Variants in PCDHA9 observed in about 807,000 individuals in gnomAD.
PCDHA9 encodes the protein protocadherin alpha 9.
A neutral mutation model predicts 62.0 loss-of-function variants in PCDHA9; 62 were observed. The ratio of observed to expected loss-of-function variants is 1.00; its 90% confidence interval spans 0.81 to 1.23. The LOEUF (loss-of-function observed/expected upper bound fraction) is 1.23, where lower values mean the gene tolerates loss of function less well. Ranked by LOEUF, PCDHA9 falls within the 50% of genes most tolerant of loss-of-function variation. PCDHA9 has a pLI of 0.00. For synonymous variants in PCDHA9, 557 were observed against 567.6 expected, an observed-to-expected ratio of 0.98 and a Z score of 0.27; for missense variants, 1,205 against 1,249.8, an observed-to-expected ratio of 0.96 and a Z score of 0.54.
chr5:140,999,406 G>C (rs1459713118), intron 3 of PCDHA9, among the ~76,000 whole-genome samples: 1 of 152,166 alleles, frequency 6.6e-6, no homozygotes, highest in Non-Finnish European at 1.5e-5. Context: ...GCATATGAAA[G>C]AATGGGAGCT....
chr5:140,851,444 A>G (rs1182271875), intron 1 of PCDHA9: 1 of 917,790 alleles, frequency 1.1e-6, no homozygotes, highest in Non-Finnish European at 1.3e-6. Context: ...CAGTTGCTCC[A>G]CTTTAGGAAT....
intron 1 of PCDHA9, among the ~76,000 whole-genome samples, chr5:140,914,496 C>A (rs782459538): frequency 1.2e-4 from 19 of 152,136 alleles, no homozygotes; most frequent in Non-Finnish European, 4.4e-5. Context: ...TTGTGGGCAA[C>A]AGATCATTGG....
intron 1 of PCDHA9, among the ~76,000 whole-genome samples, chr5:140,969,915 GC>G (rs1181399848): frequency 2.0e-5 from 3 of 152,192 alleles, no homozygotes; most frequent in African/African-American, 7.2e-5. Flanking sequence ...AAGTGATAAA[GC>G]TGTAGTATTT....
At chr5:140,881,940 G>A (rs1273995753) in intron 1 of PCDHA9, 1 of 295,968 alleles carries the variant, frequency 3.4e-6, no homozygotes, top group Non-Finnish European at 6.2e-6. Flanking sequence ...TGCTGTTTCT[G>A]GGAAGGTAAA....
intron 1 of PCDHA9, chr5:140,870,222 G>A: frequency 6.2e-7 from 1 of 1,614,180 alleles, no homozygotes; most frequent in African/African-American, 1.3e-5. Flanking sequence ...TGATCAGCGT[G>A]TCTGACCGTG....
intron 1 of PCDHA9, chr5:140,930,511 C>G (rs2086907383): frequency 6.6e-6 from 1 of 152,616 alleles, no homozygotes; most frequent in African/African-American, 2.4e-5. Context: ...GCATGAGCCA[C>G]TGCAGCTGGC....
Position 140,849,498 on chromosome 5 carries a change from A to G in PCDHA9, c.1003A>G (p.Thr335Ala). The change falls in exon 1 of 4, where the codon ACA (threonine) becomes GCA (alanine). Residue 335 changes from threonine (T) to alanine (A), a missense_variant. Thr to Ala is a moderately conservative substitution (Grantham distance 58, BLOSUM62 0). Around this residue, in one of 3 missense-constraint regions of PCDHA9, gnomAD observed 110 missense variants for 227.2 expected, o/e 0.48. Transcript: ENST00000532602. ...KGFPPLAGHCTLLVEVVDVND... is the reference protein window; with the variant it reads ...KGFPPLAGHCALLVEVVDVND... ...CTTCCCACCCCTGGCTGGTCATTGT[A>G]CACTTCTTGTGGAAGTTGTGGATGT... 1 of 1,593,626 alleles carries G rather than the reference A, an allele frequency of 6.3e-7. No homozygotes were observed.
chr5:140,850,425 C>T lies in PCDHA9; in HGVS notation c.1930C>T (p.Arg644Cys), dbSNP rs2150483747. The change falls in exon 1 of 4, where the codon CGC (arginine) becomes TGC (cysteine). Residue 644 changes from arginine (R) to cysteine (C), a missense_variant. Physicochemically the swap from Arg to Cys is radical, Grantham distance 180. Around this residue, in one of 3 missense-constraint regions of PCDHA9, gnomAD observed 887 missense variants for 809.5 expected, o/e 1.10. Coordinates refer to ENST00000532602, the MANE Select transcript of PCDHA9 (RefSeq NM_031857.2). ...TRALDETDAP[R>C]QRLLVLVKDH... is the part of the protein sequence containing the mutation. ...TGCCCTGGACGAAACGGACGCACCG[C>T]GCCAGCGCCTACTGGTGCTGGTGAA... 2 of 1,597,932 alleles carry T rather than the reference C, an allele frequency of 1.3e-6. No individual in the cohort carries two copies. Among genetic ancestry groups the T allele is most frequent in the Non-Finnish European group, 8.6e-7 (1 of 1,167,740 alleles).
At chr5:140,863,295 C>G in intron 1 of PCDHA9, 1 of 1,463,648 alleles carries the variant, frequency 6.8e-7, no homozygotes, top group South Asian at 1.1e-5. Context: ...TGTACCTGAT[C>G]ATCGCCATCT....
At chr5:140,970,773 T>G (rs1385909769) in intron 1 of PCDHA9, among the ~76,000 whole-genome samples, 1 of 152,240 alleles carries the variant, frequency 6.6e-6, no homozygotes, top group Non-Finnish European at 1.5e-5. Context: ...TTGCTGTACA[T>G]ACATATTGTA....
chr5:140,967,433 C>A, intron 1 of PCDHA9: 1 of 1,613,500 alleles, frequency 6.2e-7, no homozygotes, highest in Non-Finnish European at 8.5e-7. Context: ...GGCAGCCTTG[C>A]ACCACCTGGT....
chr5:140,883,126 G>A (rs781992873), intron 1 of PCDHA9: 2 of 1,614,036 alleles, frequency 1.2e-6, no homozygotes, highest in South Asian at 1.1e-5. Context: ...GGCCTGTATG[G>A]CCTGCAGTGG....
chr5:140,933,211 CTG>C (rs1491057503), intron 1 of PCDHA9, among the ~76,000 whole-genome samples: 2 of 151,532 alleles, frequency 1.3e-5, no homozygotes, highest in Non-Finnish European at 3.0e-5. Context: ...AATTACATGT[CTG>C]TTATATTGCA....
intron 1 of PCDHA9, among the ~76,000 whole-genome samples, chr5:140,913,040 G>T (rs1554195697): frequency 1.3e-5 from 2 of 152,022 alleles, no homozygotes; most frequent in African/African-American, 4.8e-5. Flanking sequence ...AGATATATTG[G>T]CCTGGAGTTT....
intron 1 of PCDHA9, among the ~76,000 whole-genome samples, chr5:140,890,258 A>G (rs2062565845): frequency 6.6e-6 from 1 of 152,030 alleles, no homozygotes; most frequent in East Asian, 1.9e-4. Flanking sequence ...ACTGCACCTG[A>G]TTGCAAGCAA....
intron 1 of PCDHA9, among the ~76,000 whole-genome samples, chr5:140,919,795 A>T (rs1554199259): frequency 6.6e-6 from 1 of 152,070 alleles, no homozygotes; most frequent in Non-Finnish European, 1.5e-5. Flanking sequence ...CTTGTGGTGG[A>T]TTGAATTGTG....
intron 1 of PCDHA9, among the ~76,000 whole-genome samples, chr5:140,917,830 G>A (rs2078377355): frequency 6.6e-6 from 1 of 151,722 alleles, no homozygotes; most frequent in Admixed American, 6.6e-5. Flanking sequence ...GTAGTGTGAT[G>A]TCCTTCTTGT....
At chr5:140,871,089 C>T in intron 1 of PCDHA9, 1 of 1,613,254 alleles carries the variant, frequency 6.2e-7, no homozygotes, top group Non-Finnish European at 8.5e-7. Flanking sequence ...CGGCCACGGC[C>T]ACCGTGCTGG....
At chr5:140,999,327 G>A (rs1554256745) in intron 3 of PCDHA9, among the ~76,000 whole-genome samples, 1 of 152,200 alleles carries the variant, frequency 6.6e-6, no homozygotes, top group Non-Finnish European at 1.5e-5. Context: ...ATTGATCTGT[G>A]TGATTTATAA....
Sources: gnomAD v4.1 joint callset for allele counts (sites outside exome capture counted in the v4.1 genomes callset) on GRCh38, gnomAD v4.1.1 for gene constraint, gnomAD v4.1.1 regional missense constraint, MANE v1.5 for transcripts, NCBI Gene and HGNC (gene_info 2026-07-23, HGNC 2026-07-21) for gene names.